PHF24: variants seen among roughly 807,000 people sequenced by gnomAD.
PHF24 encodes the protein PHD finger protein 24, also known as Galpha inhibitory interacting protein.
In PHF24, 25 loss-of-function variants were observed where a neutral mutation model predicts 42.6. That is an observed-to-expected ratio of 0.59 (90% CI 0.43 to 0.82). PHF24 has a LOEUF of 0.82. Among genes scored for constraint, PHF24 ranks in the 40% least tolerant of loss-of-function variants. PHF24 has a pLI of 0.00. For missense variants in PHF24, 470 were observed against 538.1 expected (o/e 0.87, Z 1.25); for synonymous variants, 185 against 204.8 (o/e 0.90, Z 0.83).
At chr9:34,720,290 A>C in the PHF24 span, among the ~76,000 whole-genome samples, 1 of 152,008 alleles carries the variant, frequency 6.6e-6, no homozygotes, top group Non-Finnish European at 1.5e-5. Flanking sequence ...TAAAAAATAC[A>C]AAAAATTAGC....
chr9:34,887,522 G>A, the PHF24 span, among the ~76,000 whole-genome samples: 1 of 152,058 alleles, frequency 6.6e-6, no homozygotes, highest in East Asian at 1.9e-4. Context: ...CTTCTGACAG[G>A]CTGGGCATCC....
At chr9:34,855,804 T>C in the PHF24 span, among the ~76,000 whole-genome samples, 1 of 152,186 alleles carries the variant, frequency 6.6e-6, no homozygotes, top group African/African-American at 2.4e-5. Context: ...CTTCCTGAAT[T>C]TGAATGTTGG....
At chr9:34,688,773 G>A in the PHF24 span, among the ~76,000 whole-genome samples, 1 of 152,222 alleles carries the variant, frequency 6.6e-6, no homozygotes, top group Non-Finnish European at 1.5e-5. Context: ...AGCCCTGGCT[G>A]CTGAGCCTTT....
chr9:34,976,670 G>A (rs1402364683), exon 5 of PHF24: 9 of 1,614,170 alleles, frequency 5.6e-6, no homozygotes, highest in African/African-American at 4.0e-5. Flanking sequence ...CCTGAACATC[G>A]AGGCCACATA....
the PHF24 span, among the ~76,000 whole-genome samples, chr9:34,851,333 C>T: frequency 6.6e-6 from 1 of 152,222 alleles, no homozygotes; most frequent in African/African-American, 2.4e-5. Flanking sequence ...GCCTCGCTGC[C>T]ACCTTGCAGT....
the PHF24 span, among the ~76,000 whole-genome samples, chr9:34,792,527 G>A: frequency 6.6e-6 from 1 of 152,092 alleles, no homozygotes; most frequent in African/African-American, 2.4e-5. Context: ...AAAATTAGCA[G>A]GGTGTGGTGG....
the PHF24 span, chr9:34,835,171 C>T: frequency 6.5e-7 from 1 of 1,549,576 alleles, no homozygotes; most frequent in Non-Finnish European, 8.7e-7. Context: ...TCATTGTGGA[C>T]CATTCAGAAA....
the PHF24 span, among the ~76,000 whole-genome samples, chr9:34,843,774 A>G: frequency 3.3e-5 from 5 of 152,182 alleles, no homozygotes; most frequent in South Asian, 1.0e-3. Flanking sequence ...ATCTCACTAC[A>G]TTGCCCAGGC....
chr9:34,917,403 A>C, the PHF24 span: 1 of 769,902 alleles, frequency 1.3e-6, no homozygotes, highest in Admixed American at 1.7e-5. Flanking sequence ...TCCAACAGTG[A>C]CATGTATCTC....
At chr9:34,846,426 G>T in the PHF24 span, among the ~76,000 whole-genome samples, 18 of 151,768 alleles carry the variant, frequency 1.2e-4, no homozygotes, top group African/African-American at 4.4e-4. Flanking sequence ...CATGTCCTTT[G>T]CCCACTTTTT....
chr9:34,828,957 G>C, the PHF24 span, among the ~76,000 whole-genome samples: 1 of 23,142 alleles, frequency 4.3e-5, no homozygotes, highest in African/African-American at 1.8e-4. Flanking sequence ...ATGTCTGTCT[G>C]TCATCTGCAA....
the PHF24 span, among the ~76,000 whole-genome samples, chr9:34,713,226 A>T: frequency 6.6e-6 from 1 of 152,204 alleles, no homozygotes; most frequent in Non-Finnish European, 1.5e-5. Context: ...CCGCAAAAAG[A>T]TTCTGTCCCT....
the PHF24 span, among the ~76,000 whole-genome samples, chr9:34,854,024 G>A: frequency 3.9e-5 from 6 of 152,088 alleles, 1 homozygote; most frequent in Middle Eastern, 0.01. Flanking sequence ...ATGTGTCCAG[G>A]AATTTATCCA....
At chr9:34,785,256 T>C in the PHF24 span, among the ~76,000 whole-genome samples, 1 of 152,294 alleles carries the variant, frequency 6.6e-6, no homozygotes, top group South Asian at 2.1e-4. Context: ...TGAAGGCAGA[T>C]GAATAAAAAG....
the PHF24 span, among the ~76,000 whole-genome samples, chr9:34,700,517 T>C: frequency 6.6e-6 from 1 of 152,158 alleles, no homozygotes. Context: ...TAATTTTAGT[T>C]AACAAGATGA....
chr9:34,825,499 T>G, the PHF24 span, among the ~76,000 whole-genome samples: 2 of 152,072 alleles, frequency 1.3e-5, no homozygotes, highest in Non-Finnish European at 1.5e-5. Context: ...ACTGCATTTG[T>G]GTCTGTGGGT....
the PHF24 span, among the ~76,000 whole-genome samples, chr9:34,903,443 G>T: frequency 6.6e-6 from 1 of 152,196 alleles, no homozygotes; most frequent in East Asian, 1.9e-4. Flanking sequence ...GCATGCTTCT[G>T]TAGCCCTAGC....
chr9:34,691,004 C>T, the PHF24 span: 22 of 1,190,810 alleles, frequency 1.8e-5, no homozygotes, highest in Admixed American at 8.9e-5. Context: ...ATGTCCCTTA[C>T]GTCCAGTGCC....
Position 34,972,547 on chromosome 9 carries a change from A to G in PHF24, c.564+16A>G. The G allele has an allele frequency of 1.3e-6, 2 of 1,585,944 alleles. No homozygotes were observed. Among genetic ancestry groups the G allele is most frequent in the Non-Finnish European group, 1.7e-6 (2 of 1,163,950 alleles). On this transcript the variant is annotated intron_variant, in intron 3 of 7. Coordinates refer to ENST00000242315, the Ensembl canonical transcript of PHF24. ...CCACTACTGTGTAAGTCTGGACTGCAGGGACAGCAGAGGACTTGGCACTTT... is the reference window on the plus strand; with the variant it reads ...CCACTACTGTGTAAGTCTGGACTGCGGGGACAGCAGAGGACTTGGCACTTT...
Sources: gnomAD v4.1 joint callset for allele counts (sites outside exome capture counted in the v4.1 genomes callset) on GRCh38, gnomAD v4.1.1 for gene constraint, MANE v1.5 for transcripts, NCBI Gene and HGNC (gene_info 2026-07-23, HGNC 2026-07-21) for gene names.